Variants in DYNLL2 observed in about 807,000 individuals in gnomAD.
DYNLL2 encodes dynein light chain LC8-type 2, also known as dynein light chain 2, cytoplasmic.
A neutral mutation model predicts 9.7 loss-of-function variants in DYNLL2; 1 was observed. That is an observed-to-expected ratio of 0.10 (90% CI 0.04 to 0.49). The LOEUF is 0.49. DYNLL2 is among the 20% of genes least tolerant of loss of function. DYNLL2 has a pLI of 0.95. For missense variants in DYNLL2, 37 were observed against 115.2 expected (o/e 0.32, Z 3.11); for synonymous variants, 35 against 40.5 (o/e 0.86, Z 0.52).
Position 58,087,177 on chromosome 17 carries a change from G to A in DYNLL2, c.87G>A (p.Met29Ile), listed in dbSNP as rs2075763164. 6.2e-7 allele frequency: 1 copy of A among 1,614,116 alleles called. No homozygotes were observed. Among genetic ancestry groups the A allele is most frequent in the African/African-American group, 1.3e-5 (1 of 74,946 alleles). The change falls in exon 2 of 3, where the codon ATG becomes ATA. Residue 29 changes from methionine (M) to isoleucine (I), a missense_variant. Coordinates refer to ENST00000579991, the MANE Select transcript of DYNLL2 (RefSeq NM_080677.3). ...CCGTTGACTGCGCCACGCAGGCCATGGAGAAGTACAATATAGAGAAGGACA... is the reference window on the plus strand; with the variant it reads ...CCGTTGACTGCGCCACGCAGGCCATAGAGAAGTACAATATAGAGAAGGACA... ...QDAVDCATQAMEKYNIEKDIA... is the reference protein window; with the variant it reads ...QDAVDCATQAIEKYNIEKDIA...
Position 58,093,226 on chromosome 17 carries a change from C to G in DYNLL2, c.*3947C>G, listed in dbSNP as rs1216032128. 2 of 152,180 alleles carry G rather than the reference C, an allele frequency of 1.3e-5. No homozygotes were observed. The highest frequency in any genetic ancestry group is 1.3e-4 in the Admixed American group (2 of 15,284). The allele number at this position is 152,180 out of a possible 1,614,324, so 9.4% of individuals were successfully genotyped here. A position where few individuals can be genotyped will look rare whatever the true frequency, so the allele number is the denominator to read the frequency against. ...TGCCTTTTCTGAAGAGAATGGCTGC[C>G]TTAGGCACGGCTCTCCTTGCTGCCC... On this transcript the variant is annotated 3_prime_UTR_variant, in exon 3 of 3. Coordinates refer to ENST00000579991, the MANE Select transcript of DYNLL2 (RefSeq NM_080677.3).
chr17:58,086,262 G>A (rs543454611), intron 1 of DYNLL2, among the ~76,000 whole-genome samples: 1 of 152,330 alleles, frequency 6.6e-6, no homozygotes, highest in African/African-American at 2.4e-5. Context: ...ATTTTTCTGT[G>A]AAGGGCCAGA....
rs1555582626 is a variant in DYNLL2, at chr17:58,083,458, A to AGCGAGCGGGCGG, written c.-232_-231insAGCGGGCGGGCG. 1 of 131,832 alleles carries AGCGAGCGGGCGG rather than the reference A, an allele frequency of 7.6e-6. No individual in the cohort carries two copies. The highest frequency in any genetic ancestry group is 2.8e-5 in the African/African-American group (1 of 35,502). The allele number at this position is 131,832 out of a possible 1,614,324, so 8.2% of individuals were successfully genotyped here. On this transcript the variant is annotated 5_prime_UTR_variant, in exon 1 of 3. Transcript: ENST00000579991. Reference sequence around the variant, plus strand: ...GCGGAGCTGTGAGGCGCCAGTGCGGAGCGGGCGGGCGGGCGGGCGGCGTGA... The same window carrying AGCGAGCGGGCGG: ...GCGGAGCTGTGAGGCGCCAGTGCGGAGCGAGCGGGCGGGCGGGCGGGCGGGCGGGCGGCGTGA...
Position 58,089,302 on chromosome 17 carries a change from T to TGGC in DYNLL2, c.*30_*32dup, listed in dbSNP as rs763089795. 6.2e-7 allele frequency: 1 copy of TGGC among 1,608,282 alleles called. No homozygotes were observed. Among genetic ancestry groups the TGGC allele is most frequent in the East Asian group, 2.2e-5 (1 of 44,778 alleles). On this transcript the variant is annotated 3_prime_UTR_variant, in exon 3 of 3. Coordinates refer to ENST00000579991, the MANE Select transcript of DYNLL2 (RefSeq NM_080677.3). ...TAGGTGGCCATGGTGAAGGTGTCAG[T>TGGC]GGCGGCGGCAGCGATGGCAAGCAGG... is the stretch of plus-strand genomic sequence containing the variant.
chr17:58,089,015 G>A, intron 2 of DYNLL2, 127 bp from the exon 3 acceptor site: 1 of 1,167,300 alleles, frequency 8.6e-7, no homozygotes, highest in Non-Finnish European at 1.2e-6. Context: ...CTGAGGCTGA[G>A]GGATGGGGTG....
rs1440151721 is a variant in DYNLL2 at position 58,092,939 on chromosome 17, C to G, written c.*3660C>G. ...TCTGACATCCTGTGCAAGATAGCAC[C>G]TCTCCCCCATCGCTGTTATCCTTAC... On this transcript the variant is annotated 3_prime_UTR_variant, in exon 3 of 3. Coordinates refer to ENST00000579991, the MANE Select transcript of DYNLL2 (RefSeq NM_080677.3). 2.0e-5 allele frequency: 3 copies of G among 152,242 alleles called. No individual in the cohort carries two copies. The allele number at this position is 152,242 out of a possible 1,614,324, so 9.4% of individuals were successfully genotyped here.
chr17:58,086,961 G>T, intron 1 of DYNLL2, 121 bp from the exon 2 acceptor site: 1 of 1,195,850 alleles, frequency 8.4e-7, no homozygotes, highest in South Asian at 1.5e-5. Flanking sequence ...CTTCACATCC[G>T]TGTTTTCTGT....
Position 58,089,339 on chromosome 17 carries a change from G to A in DYNLL2, c.*60G>A. ...CGATGGCAAGCAGGCGGCGTTGCTG[G>A]GACTGTTTTGCACTGGAGCCAGCAT... On this transcript the variant is annotated 3_prime_UTR_variant, in exon 3 of 3. Transcript: ENST00000579991. 6.3e-7 allele frequency: 1 copy of A among 1,595,642 alleles called. No homozygotes were observed. Among genetic ancestry groups the A allele is most frequent in the Non-Finnish European group, 8.6e-7 (1 of 1,169,266 alleles).
In DYNLL2 at chr17:58,089,714, C is replaced by T; in HGVS notation, c.*435C>T. 2.5e-6 allele frequency: 1 copy of T among 406,476 alleles called. No individual in the cohort carries two copies. Among genetic ancestry groups the T allele is most frequent in the Non-Finnish European group, 4.3e-6 (1 of 232,588 alleles). The allele number at this position is 406,476 out of a possible 1,614,324, so 25.2% of individuals were successfully genotyped here. On this transcript the variant is annotated 3_prime_UTR_variant, in exon 3 of 3. Transcript: ENST00000579991. ...GCGGTGGATGCTGCTTTGGGAGGGCCAGGGAGGCTGCAGGGGGACAGTGTT... is the reference window on the plus strand; with the variant it reads ...GCGGTGGATGCTGCTTTGGGAGGGCTAGGGAGGCTGCAGGGGGACAGTGTT...
intron 1 of DYNLL2, among the ~76,000 whole-genome samples, chr17:58,084,962 A>G (rs1213339378): frequency 6.6e-6 from 1 of 152,218 alleles, no homozygotes; most frequent in African/African-American, 2.4e-5. Flanking sequence ...ACCTTTGCTC[A>G]GACCCATTTG....
Position 58,092,279 on chromosome 17 carries a change from C to G in DYNLL2, c.*3000C>G, listed in dbSNP as rs2075782891. On this transcript the variant is annotated 3_prime_UTR_variant, in exon 3 of 3. Coordinates refer to ENST00000579991, the MANE Select transcript of DYNLL2 (RefSeq NM_080677.3). Reference sequence around the variant, plus strand: ...AGTGAGGCCACAGTTCACATTTCATCAGGGATGAGTGTCTCCAGGGCCAAA... The same window carrying G: ...AGTGAGGCCACAGTTCACATTTCATGAGGGATGAGTGTCTCCAGGGCCAAA... The G allele has an allele frequency of 6.6e-6, 1 of 152,244 alleles. No individual in the cohort carries two copies. Among genetic ancestry groups the G allele is most frequent in the Non-Finnish European group, 1.5e-5 (1 of 68,058 alleles). 9.4% of individuals were successfully genotyped at this position (152,244 alleles called of 1,614,324 possible). A position where few individuals can be genotyped will look rare whatever the true frequency, so the allele number is the denominator to read the frequency against.
rs939504346 is a variant in DYNLL2 at position 58,094,374 on chromosome 17, T to C, written c.*5095T>C. 1.3e-5 allele frequency: 2 copies of C among 152,130 alleles called. No individual in the cohort carries two copies. The highest frequency in any genetic ancestry group is 2.9e-5 in the Non-Finnish European group (2 of 68,026). 9.4% of individuals were successfully genotyped at this position (152,130 alleles called of 1,614,324 possible). A position where few individuals can be genotyped will look rare whatever the true frequency, so the allele number is the denominator to read the frequency against. On this transcript the variant is annotated 3_prime_UTR_variant, in exon 3 of 3. Coordinates refer to ENST00000579991, the MANE Select transcript of DYNLL2 (RefSeq NM_080677.3). ...TGATACTGATTATTAGGGTATCTAA[T>C]AAAGTTGGGGAAAGAACAAAATCCC...
At position 58,089,600 on chromosome 17, in the gene DYNLL2, G is replaced by A; in HGVS notation, c.*321G>A. ...TATACAAAATAAAAGGCCCACCATA[G>A]AGACTAGGCGGCCGAAAGACTAGGA... On this transcript the variant is annotated 3_prime_UTR_variant, in exon 3 of 3. Transcript: ENST00000579991. 1 of 430,012 alleles carries A rather than the reference G, an allele frequency of 2.3e-6. No individual in the cohort carries two copies. The highest frequency in any genetic ancestry group is 4.0e-6 in the Non-Finnish European group (1 of 248,188). The allele number at this position is 430,012 out of a possible 1,614,324, so 26.6% of individuals were successfully genotyped here.
intron 1 of DYNLL2, 76 bp downstream of exon 1, chr17:58,083,759 C>G (rs866489357): frequency 6.6e-6 from 1 of 151,998 alleles, no homozygotes; most frequent in Non-Finnish European, 1.5e-5. Flanking sequence ...ACCCGGCCCT[C>G]GCCGCGGTGG....
Position 58,093,634 on chromosome 17 carries a change from C to G in DYNLL2, c.*4355C>G, listed in dbSNP as rs952773828. The G allele has an allele frequency of 4.6e-5, 7 of 152,202 alleles. 1 individual carries two copies. Among genetic ancestry groups the G allele is most frequent in the Non-Finnish European group, 2.9e-5 (2 of 68,054 alleles). 9.4% of individuals were successfully genotyped at this position (152,202 alleles called of 1,614,324 possible). A position where few individuals can be genotyped will look rare whatever the true frequency, so the allele number is the denominator to read the frequency against. On this transcript the variant is annotated 3_prime_UTR_variant, in exon 3 of 3. Transcript: ENST00000579991. The stretch of plus-strand genomic sequence containing the variant: ...GTAGTGAATCCCTGATGTTCCCTCT[C>G]TTGGGGCTCTGGTTTAGCAAGGACA...
At position 58,095,119 on chromosome 17, in the gene DYNLL2, A is replaced by G. The variant is rs2075793676; in HGVS notation, c.*5840A>G. On this transcript the variant is annotated 3_prime_UTR_variant, in exon 3 of 3. Coordinates refer to ENST00000579991, the MANE Select transcript of DYNLL2 (RefSeq NM_080677.3). Reference sequence around the variant, plus strand: ...TGGGGCATCTTTTATTTTTAATGTCAGTTTTCTATTTTTAAAAAATCTAGA... The same window carrying G: ...TGGGGCATCTTTTATTTTTAATGTCGGTTTTCTATTTTTAAAAAATCTAGA... The G allele has an allele frequency of 6.6e-6, 1 of 152,096 alleles. No homozygotes were observed. The highest frequency in any genetic ancestry group is 2.4e-5 in the African/African-American group (1 of 41,402). The allele number at this position is 152,096 out of a possible 1,614,324, so 9.4% of individuals were successfully genotyped here.
rs954226550 is a variant in DYNLL2, at chr17:58,092,670, C to CT, written c.*3392dup. The CT allele has an allele frequency of 2.0e-4, 30 of 152,390 alleles. No homozygotes were observed. The highest frequency in any genetic ancestry group is 7.2e-4 in the African/African-American group (30 of 41,566). The allele number at this position is 152,390 out of a possible 1,614,324, so 9.4% of individuals were successfully genotyped here. ...TGACAAGGCAGACCCAGGATGCAGTCTGTAGGGTTCAGTCCCCCTCCCCAC... is the reference window on the plus strand; with the variant it reads ...TGACAAGGCAGACCCAGGATGCAGTCTTGTAGGGTTCAGTCCCCCTCCCCAC... On this transcript the variant is annotated 3_prime_UTR_variant, in exon 3 of 3. Transcript: ENST00000579991.
chr17:58,091,871 T>G lies in DYNLL2; in HGVS notation c.*2592T>G, dbSNP rs1683883715. 6.6e-6 allele frequency: 1 copy of G among 152,202 alleles called. No homozygotes were observed. Among genetic ancestry groups the G allele is most frequent in the South Asian group, 2.1e-4 (1 of 4,832 alleles). The allele number at this position is 152,202 out of a possible 1,614,324, so 9.4% of individuals were successfully genotyped here. A position where few individuals can be genotyped will look rare whatever the true frequency, so the allele number is the denominator to read the frequency against. ...GCTTTGCCCTCTTTGTGTTACTATT[T>G]CTTTACTCAAAAATATTTAAGAGTT... On this transcript the variant is annotated 3_prime_UTR_variant, in exon 3 of 3. Coordinates refer to ENST00000579991, the MANE Select transcript of DYNLL2 (RefSeq NM_080677.3).
Position 58,083,566 on chromosome 17 carries a change from C to G in DYNLL2, c.-127C>G, listed in dbSNP as rs1217149133. 2.0e-5 allele frequency: 3 copies of G among 153,400 alleles called. No individual in the cohort carries two copies. The highest frequency in any genetic ancestry group is 4.3e-5 in the Non-Finnish European group (3 of 68,978). 9.5% of individuals were successfully genotyped at this position (153,400 alleles called of 1,614,324 possible). A position where few individuals can be genotyped will look rare whatever the true frequency, so the allele number is the denominator to read the frequency against. On this transcript the variant is annotated 5_prime_UTR_variant, in exon 1 of 3. Transcript: ENST00000579991. ...GCCTCGGGCTGCGGGAGCCGGAGAC[C>G]GCGGCGGCGGCGGCTGCTGCAGCTG... is the stretch of plus-strand genomic sequence containing the variant.
Sources: gnomAD v4.1 joint callset for allele counts (sites outside exome capture counted in the v4.1 genomes callset) on GRCh38, gnomAD v4.1.1 for gene constraint, MANE v1.5 for transcripts, NCBI Gene and HGNC (gene_info 2026-07-23, HGNC 2026-07-21) for gene names.